The following CDH13 variants were observed in gnomAD, a reference collection of about 807,000 sequenced individuals.
CDH13 encodes cadherin-13.
Under a neutral mutation model 63.8 loss-of-function variants are expected in CDH13, and 24 were observed. The observed-to-expected ratio is 0.38, with a 90% CI of 0.27 to 0.53. CDH13 has a LOEUF of 0.53. Among genes scored for constraint, CDH13 ranks in the 20% least tolerant of loss-of-function variants. The pLI, the probability that CDH13 is intolerant of heterozygous loss-of-function variation, is 0.85. For synonymous variants in CDH13, 503 were observed against 355.3 expected (o/e 1.42, Z -4.67); for missense variants, 1,049 against 903.1 (o/e 1.16, Z -2.07).
At chr16:82,725,864 A>C (rs2033066705) in intron 1 of CDH13, among the ~76,000 whole-genome samples, 2 of 152,160 alleles carry the variant, frequency 1.3e-5, no homozygotes, top group African/African-American at 4.8e-5. Flanking sequence ...TAATTATTGC[A>C]GTTCTCCAGT....
chr16:82,714,359 T>C (rs986304580), intron 1 of CDH13, among the ~76,000 whole-genome samples: 2 of 152,060 alleles, frequency 1.3e-5, no homozygotes, highest in Non-Finnish European at 2.9e-5. Context: ...TTGCAGATAA[T>C]CAAATAAAAA....
intron 3 of CDH13, among the ~76,000 whole-genome samples, chr16:83,079,948 T>G (rs2033120166): frequency 6.6e-6 from 1 of 152,214 alleles, no homozygotes. Context: ...TAAAGTTGAG[T>G]CGCACATTTC....
At chr16:82,936,792 T>G (rs2042681659) in intron 2 of CDH13, among the ~76,000 whole-genome samples, 1 of 151,920 alleles carries the variant, frequency 6.6e-6, no homozygotes, top group Non-Finnish European at 1.5e-5. Flanking sequence ...ACACAACTGC[T>G]TAGTCTTGTG....
At chr16:83,728,785 T>C (rs192637289) in intron 10 of CDH13, 13 of 152,354 alleles carry the variant, frequency 8.5e-5, no homozygotes, top group Admixed American at 6.5e-4. Flanking sequence ...CAACCTAATA[T>C]TTAGATAGTA....
chr16:83,551,120 C>T (rs949453152), intron 7 of CDH13, among the ~76,000 whole-genome samples: 3 of 150,994 alleles, frequency 2.0e-5, no homozygotes, highest in Non-Finnish European at 4.4e-5. Context: ...CTCACTCCAT[C>T]ATCCAGGCTG....
intron 3 of CDH13, among the ~76,000 whole-genome samples, chr16:83,045,033 C>T (rs534789098): frequency 7.9e-5 from 12 of 152,250 alleles, no homozygotes; most frequent in African/African-American, 2.9e-4. Flanking sequence ...GGATGATAAC[C>T]TCTTTTTACA....
intron 8 of CDH13, among the ~76,000 whole-genome samples, chr16:83,627,806 T>G (rs1477202954): frequency 6.6e-6 from 1 of 152,176 alleles, no homozygotes; most frequent in Admixed American, 6.5e-5. Flanking sequence ...GCAAGTTTTT[T>G]GGGAAAATCA....
chr16:83,498,921 G>A (rs1268991743), intron 7 of CDH13, among the ~76,000 whole-genome samples: 3 of 152,168 alleles, frequency 2.0e-5, no homozygotes, highest in African/African-American at 4.8e-5. Flanking sequence ...AGGAGGCTAT[G>A]GAGAACAGAC....
At chr16:83,664,060 G>A (rs1459039450) in intron 8 of CDH13, among the ~76,000 whole-genome samples, 2 of 151,926 alleles carry the variant, frequency 1.3e-5, no homozygotes, top group Admixed American at 6.6e-5. Flanking sequence ...TCCCAGCTAA[G>A]GCAGAAGGAT....
intron 6 of CDH13, among the ~76,000 whole-genome samples, chr16:83,438,777 G>T (rs2072397417): frequency 6.6e-6 from 1 of 152,148 alleles, no homozygotes; most frequent in Non-Finnish European, 1.5e-5. Context: ...TTCTGATGTT[G>T]AACATATTTT....
At chr16:83,428,844 C>G (rs2071999304) in intron 6 of CDH13, among the ~76,000 whole-genome samples, 1 of 152,144 alleles carries the variant, frequency 6.6e-6, no homozygotes, top group South Asian at 2.1e-4. Context: ...TCAAATCTCC[C>G]CATCTTCCAG....
At chr16:82,801,699 C>T (rs754823952) in intron 1 of CDH13, among the ~76,000 whole-genome samples, 22 of 152,186 alleles carry the variant, frequency 1.4e-4, no homozygotes, top group Non-Finnish European at 2.4e-4. Flanking sequence ...TTCGTCTACC[C>T]GTACATGACA....
intron 2 of CDH13, among the ~76,000 whole-genome samples, chr16:83,023,682 A>C (rs1915550560): frequency 6.6e-6 from 1 of 152,216 alleles, no homozygotes; most frequent in Non-Finnish European, 1.5e-5. Flanking sequence ...CTCTGTGCTC[A>C]ATTCACATAT....
At chr16:83,208,202 G>C (rs1408878262) in intron 4 of CDH13, among the ~76,000 whole-genome samples, 3 of 152,080 alleles carry the variant, frequency 2.0e-5, no homozygotes, top group African/African-American at 4.8e-5. Flanking sequence ...TCTTCACCAG[G>C]GTATGGGGAC....
rs892993266 is a variant in CDH13, at chr16:83,041,033, T to TC, written c.366+8817dup. On this transcript the variant is annotated intron_variant, in intron 3 of 13. Coordinates refer to ENST00000567109, the MANE Select transcript of CDH13 (RefSeq NM_001257.5). ...CTGTATAGGAAGCACTGACTAAACT[T>TC]CCTAGAGAAGAAATTATTTCTACAG... Among the ~76,000 whole-genome samples the TC allele has an allele frequency of 1.9e-4, 29 of 152,168 alleles. 2 individuals are homozygous for TC. Among genetic ancestry groups the TC allele is most frequent in the African/African-American group, 6.3e-4 (26 of 41,518 alleles).
At chr16:83,021,539 T>C (rs1475010234) in intron 2 of CDH13, among the ~76,000 whole-genome samples, 2 of 152,230 alleles carry the variant, frequency 1.3e-5, no homozygotes, top group Non-Finnish European at 2.9e-5. Context: ...TCTGTCTTTT[T>C]CCAAGAGGAA....
At chr16:83,649,926 T>C (rs1207769195) in intron 8 of CDH13, among the ~76,000 whole-genome samples, 5 of 152,174 alleles carry the variant, frequency 3.3e-5, no homozygotes, top group South Asian at 2.1e-4. Flanking sequence ...ACACTTTGCA[T>C]AGGGAGGGGA....
intron 2 of CDH13, among the ~76,000 whole-genome samples, chr16:82,885,799 T>C (rs2040866966): frequency 6.6e-6 from 1 of 152,188 alleles, no homozygotes; most frequent in Non-Finnish European, 1.5e-5. Context: ...TATGCTTCTA[T>C]GGCCTTTTCA....
intron 1 of CDH13, among the ~76,000 whole-genome samples, chr16:82,759,479 C>T (rs1384628604): frequency 6.6e-6 from 1 of 151,564 alleles, no homozygotes; most frequent in East Asian, 1.9e-4. Context: ...AAGGCAAAAA[C>T]TCATAGGTAA....
Sources: allele counts gnomAD v4.1 joint callset (sites outside exome capture counted in the v4.1 genomes callset), GRCh38; gene constraint gnomAD v4.1.1; transcripts MANE v1.5; gene names NCBI Gene and HGNC (gene_info 2026-07-23, HGNC 2026-07-21).